The following MGAT4C variants were observed in gnomAD, a reference collection of about 807,000 sequenced individuals.
MGAT4C encodes MGAT4 family member C, also known as alpha-1,3-mannosyl-glycoprotein 4-beta-N-acetylglucosaminyltransferase C.
Under a neutral mutation model 40.1 loss-of-function variants are expected in MGAT4C, and 19 were observed. That is an observed-to-expected ratio of 0.47 (90% CI 0.33 to 0.70). The LOEUF (loss-of-function observed/expected upper bound fraction) is 0.70, where lower values mean the gene tolerates loss of function less well. Ranked by LOEUF, MGAT4C falls within the 30% of genes least tolerant of loss-of-function variation. The pLI is 0.02. For synonymous variants in MGAT4C, 181 were observed against 187.1 expected (o/e 0.97, Z 0.27); for missense variants, 491 against 563.2 (o/e 0.87, Z 1.30).
At chr12:86,300,536 G>A (rs569389849) in intron 4 of MGAT4C, among the ~76,000 whole-genome samples, 2 of 152,080 alleles carry the variant, frequency 1.3e-5, no homozygotes, top group African/African-American at 4.8e-5. Flanking sequence ...AAACAGAGAA[G>A]GGTGGTTCCT....
chr12:86,529,150 G>A (rs1958935563), intron 2 of MGAT4C, among the ~76,000 whole-genome samples: 1 of 152,054 alleles, frequency 6.6e-6, no homozygotes, highest in Non-Finnish European at 1.5e-5. Context: ...AGGGGCAAGT[G>A]CATTAACTAT....
chr12:85,971,957 C>T lies in MGAT4C; in HGVS notation c.*7332G>A, dbSNP rs1394420620. On this transcript the variant is annotated 3_prime_UTR_variant, in exon 5 of 5. Coordinates refer to ENST00000611864, the MANE Select transcript of MGAT4C (RefSeq NM_001351288.2). Reference sequence around the variant, plus strand: ...ATTCAGGGTGAATGTGTCTTTTCTACTTTGACTATATTTACCATTGACTAC... The same window carrying T: ...ATTCAGGGTGAATGTGTCTTTTCTATTTTGACTATATTTACCATTGACTAC... The T allele has an allele frequency of 6.6e-6, 1 of 151,148 alleles. No individual in the cohort carries two copies. Among genetic ancestry groups the T allele is most frequent in the Non-Finnish European group, 1.5e-5 (1 of 67,330 alleles). The allele number at this position is 151,148 out of a possible 1,614,324, so 9.4% of individuals were successfully genotyped here.
intron 3 of MGAT4C, among the ~76,000 whole-genome samples, chr12:86,400,320 T>C (rs1038044058): frequency 1.3e-5 from 2 of 152,234 alleles, no homozygotes; most frequent in African/African-American, 4.8e-5. Context: ...CTTTTCTTTT[T>C]ATTTCTTAGT....
At chr12:86,482,332 C>T (rs1957952105) in intron 2 of MGAT4C, among the ~76,000 whole-genome samples, 1 of 152,022 alleles carries the variant, frequency 6.6e-6, no homozygotes, top group African/African-American at 2.4e-5. Flanking sequence ...TAAAGTTACT[C>T]TTGAGAATCC....
Position 86,578,750 on chromosome 12 carries a change from G to C in MGAT4C, c.-228-143485C>G, listed in dbSNP as rs566895938. 2.6e-5 allele frequency among the ~76,000 whole-genome samples: 4 copies of C among 151,388 alleles called. No homozygotes were observed. The East Asian group carries it at 5.9e-4, about 22-fold the overall frequency. On this transcript the variant is annotated intron_variant, in intron 2 of 7. Transcript: ENST00000548651. ...CATTTTAATATTTGGACCTTCCCTT[G>C]TTTTTTCTTAATCTGGCTAAACGTT...
At chr12:86,600,925 G>A (rs190741883) in intron 2 of MGAT4C, among the ~76,000 whole-genome samples, 32 of 152,362 alleles carry the variant, frequency 2.1e-4, no homozygotes, top group Admixed American at 2.0e-3. Context: ...TGCCTGCTCT[G>A]CAGTGGAGCA....
At chr12:86,784,707 T>C (rs779585085) in intron 1 of MGAT4C, among the ~76,000 whole-genome samples, 12 of 148,178 alleles carry the variant, frequency 8.1e-5, no homozygotes, top group Non-Finnish European at 1.3e-4. Flanking sequence ...GAACAAAGAG[T>C]AGCCCTGAAG....
At chr12:86,330,138 C>A (rs1351023926) in intron 4 of MGAT4C, among the ~76,000 whole-genome samples, 1 of 152,120 alleles carries the variant, frequency 6.6e-6, no homozygotes, top group Admixed American at 6.6e-5. Context: ...CTTCTCCTGT[C>A]CCCTCTTTTG....
chr12:86,000,024 C>T (rs551789712), intron 2 of MGAT4C, among the ~76,000 whole-genome samples: 12 of 151,904 alleles, frequency 7.9e-5, no homozygotes, highest in East Asian at 5.8e-4. Context: ...ATGTTATCAC[C>T]GAAAAAACTT....
rs187944216 is a variant in MGAT4C at position 86,215,314 on chromosome 12, C to A, written c.-57+40925G>T. ...ACATTTCCATGGCTGCGTCCATAAT[C>A]CAAAGCAAGACCCTCTAATAACAAA... On this transcript the variant is annotated intron_variant, in intron 1 of 4. Coordinates refer to ENST00000611864, the MANE Select transcript of MGAT4C (RefSeq NM_001351288.2). Among the ~76,000 whole-genome samples, 4 of 152,240 alleles carry A rather than the reference C, an allele frequency of 2.6e-5. No individual in the cohort carries two copies. The East Asian group carries it at 7.7e-4, about 29-fold the overall frequency.
intron 3 of MGAT4C, among the ~76,000 whole-genome samples, chr12:86,353,162 G>A (rs375628556): frequency 6.6e-6 from 1 of 151,792 alleles, no homozygotes; most frequent in East Asian, 1.9e-4. Flanking sequence ...CCTCTTAAAT[G>A]GTCCTCCACT....
chr12:86,335,259 G>T (rs1407487954), intron 3 of MGAT4C, among the ~76,000 whole-genome samples: 2 of 151,928 alleles, frequency 1.3e-5, no homozygotes, highest in Non-Finnish European at 2.9e-5. Flanking sequence ...ATTTATTTCA[G>T]AACACTTGTT....
chr12:86,471,049 A>C (rs1184361317), intron 2 of MGAT4C, among the ~76,000 whole-genome samples: 2 of 152,072 alleles, frequency 1.3e-5, no homozygotes, highest in African/African-American at 4.8e-5. Context: ...AAGACAAAAT[A>C]AGAAAATTAT....
rs187603056 is a variant in MGAT4C, at chr12:86,526,724, A to C, written c.-228-91459T>G. ...TCTCCTAAGAGAGCAAGTTAAGCCT[A>C]GGGGGAGGGCCATCGCTGGCCATGC... On this transcript the variant is annotated intron_variant, in intron 2 of 7. Coordinates refer to the MGAT4C transcript ENST00000548651. Among the ~76,000 whole-genome samples, 3 of 152,276 alleles carry C rather than the reference A, an allele frequency of 2.0e-5. No homozygotes were observed. In the East Asian group the frequency reaches 5.8e-4, roughly 29 times the overall value.
intron 4 of MGAT4C, among the ~76,000 whole-genome samples, chr12:86,303,046 C>G (rs566029864): frequency 1.3e-5 from 2 of 150,590 alleles, no homozygotes; most frequent in Non-Finnish European, 1.5e-5. Flanking sequence ...TTTCTCCCTT[C>G]GTTTTCTGAT....
intron 2 of MGAT4C, among the ~76,000 whole-genome samples, chr12:86,578,826 G>A (rs563404555): frequency 1.1e-3 from 171 of 151,010 alleles, no homozygotes; most frequent in Non-Finnish European, 2.3e-3. Context: ...TTGATCTTTT[G>A]TATTTTTTAT....
chr12:86,399,770 A>G (rs981054911), intron 3 of MGAT4C, among the ~76,000 whole-genome samples: 1 of 152,178 alleles, frequency 6.6e-6, no homozygotes, highest in African/African-American at 2.4e-5. Context: ...CCACAGCAAC[A>G]AAAGTTTCTA....
chr12:86,682,873 G>C (rs934575072), intron 2 of MGAT4C, among the ~76,000 whole-genome samples: 1 of 152,140 alleles, frequency 6.6e-6, no homozygotes, highest in Non-Finnish European at 1.5e-5. Flanking sequence ...AGAATGATGT[G>C]CTTGTCTGAA....
intron 4 of MGAT4C, among the ~76,000 whole-genome samples, chr12:86,263,113 A>G (rs556469293): frequency 1.3e-5 from 2 of 152,148 alleles, no homozygotes; most frequent in South Asian, 4.1e-4. Context: ...GTAACCCCAT[A>G]AATTGGTAGA....
Sources: gnomAD v4.1 joint callset for allele counts (sites outside exome capture counted in the v4.1 genomes callset) on GRCh38, gnomAD v4.1.1 for gene constraint, MANE v1.5 for transcripts, NCBI Gene and HGNC (gene_info 2026-07-23, HGNC 2026-07-21) for gene names.